Variants in LOC728743 observed in about 807,000 individuals in gnomAD.
At chr7:150,408,109 C>T in the LOC728743 span, 2 of 381,274 alleles carry the variant, frequency 5.2e-6, no homozygotes, top group Non-Finnish European at 9.3e-6. Context: ...GGCGGCCCTA[C>T]TTCTGCCCCC....
At chr7:150,408,404 C>T in the LOC728743 span, 1 of 358,800 alleles carries the variant, frequency 2.8e-6, no homozygotes, top group Non-Finnish European at 5.0e-6. Flanking sequence ...CGCGTTCCTC[C>T]CTCGGGACCC....
At chr7:150,408,584 T>A in the LOC728743 span, 3 of 185,416 alleles carry the variant, frequency 1.6e-5, no homozygotes, top group African/African-American at 7.0e-5. Flanking sequence ...TGGGGCGGTC[T>A]GGGTACCGGG....
At chr7:150,410,304 G>A in the LOC728743 span, 2 of 397,708 alleles carry the variant, frequency 5.0e-6, no homozygotes, top group Non-Finnish European at 8.9e-6. Flanking sequence ...CTCAAGAGGT[G>A]CACTGCGGTG....
chr7:150,409,708 A>G, the LOC728743 span, among the ~76,000 whole-genome samples: 1 of 151,978 alleles, frequency 6.6e-6, no homozygotes, highest in Non-Finnish European at 1.5e-5. Flanking sequence ...TGAAGGGGAC[A>G]TGGCATCCCT....
At chr7:150,405,386 A>AC in the LOC728743 span, 13 of 152,056 alleles carry the variant, frequency 8.5e-5, no homozygotes, top group African/African-American at 3.1e-4. Context: ...CCAGAGCCGG[A>AC]CCCTCGGGGG....
At chr7:150,408,061 C>G in the LOC728743 span, 2 of 385,010 alleles carry the variant, frequency 5.2e-6, no homozygotes, top group African/African-American at 4.2e-5. Context: ...CGCGCATGCC[C>G]GCGCCGCACC....
At chr7:150,406,300 T>G in the LOC728743 span, among the ~76,000 whole-genome samples, 1 of 151,734 alleles carries the variant, frequency 6.6e-6, no homozygotes, top group East Asian at 1.9e-4. Flanking sequence ...TTGGGGAGAA[T>G]GGATGAGGCA....
the LOC728743 span, chr7:150,410,236 T>G: frequency 7.5e-6 from 3 of 398,648 alleles, no homozygotes; most frequent in Middle Eastern, 6.3e-4. Flanking sequence ...TGGAGTTCCA[T>G]GGAGGCCTGG....
the LOC728743 span, among the ~76,000 whole-genome samples, chr7:150,401,729 G>A: frequency 1.3e-5 from 2 of 152,238 alleles, no homozygotes; most frequent in East Asian, 1.9e-4. Context: ...TGATGACAGC[G>A]CTCTATTTCT....
chr7:150,407,735 T>C, the LOC728743 span: 2 of 399,624 alleles, frequency 5.0e-6, no homozygotes, highest in African/African-American at 4.1e-5. Flanking sequence ...CTGCCCGCTG[T>C]GCGGCCAGAC....
At chr7:150,408,395 G>C in the LOC728743 span, 1 of 361,608 alleles carries the variant, frequency 2.8e-6, no homozygotes, top group African/African-American at 2.1e-5. Context: ...CCGCCCGCTC[G>C]CGTTCCTCCC....
the LOC728743 span, chr7:150,407,461 G>A: frequency 2.5e-6 from 1 of 397,402 alleles, no homozygotes; most frequent in East Asian, 3.6e-5. Flanking sequence ...TGAACAAAAC[G>A]GGGCGAAAGG....
chr7:150,405,773 C>G, the LOC728743 span: 2 of 151,946 alleles, frequency 1.3e-5, no homozygotes, highest in Non-Finnish European at 2.9e-5. Context: ...GGACGCTTGC[C>G]GTCTTTATGG....
the LOC728743 span, among the ~76,000 whole-genome samples, chr7:150,401,945 C>A: frequency 2.6e-5 from 4 of 152,220 alleles, no homozygotes; most frequent in South Asian, 8.3e-4. Context: ...TTCACCTTCT[C>A]CCCTCTGCTC....
chr7:150,405,329 C>CGGGGCCGCGCT, the LOC728743 span: 43 of 152,372 alleles, frequency 2.8e-4, no homozygotes, highest in Middle Eastern at 3.4e-3. Context: ...TGAGTGCGCG[C>CGGGGCCGCGCT]GGGGCCGCGC....
the LOC728743 span, chr7:150,404,976 C>T: frequency 6.6e-6 from 1 of 152,310 alleles, no homozygotes; most frequent in Non-Finnish European, 1.5e-5. Context: ...TCTTTCCTGT[C>T]GCTGGGGGCG....
chr7:150,410,193 G>C, the LOC728743 span: 1 of 398,672 alleles, frequency 2.5e-6, no homozygotes, highest in South Asian at 1.3e-4. Flanking sequence ...GACCCGATAG[G>C]TGCAGAACCC....
At chr7:150,403,048 T>C in the LOC728743 span, among the ~76,000 whole-genome samples, 2 of 152,162 alleles carry the variant, frequency 1.3e-5, no homozygotes, top group Admixed American at 1.3e-4. The surrounding 1 kb of genome is among the most constrained non-coding windows in gnomAD (Gnocchi z 5.1). Flanking sequence ...TCTGTCAGAA[T>C]AGTGGTGATC....
chr7:150,404,805 C>T, the LOC728743 span: 1 of 152,370 alleles, frequency 6.6e-6, no homozygotes, highest in Non-Finnish European at 1.5e-5. Flanking sequence ...GCCATATAGT[C>T]AGGCAGACTT....
Sources: gnomAD v4.1 joint callset for allele counts (sites outside exome capture counted in the v4.1 genomes callset) on GRCh38, gnomAD v4.1.1 for gene constraint, Gnocchi (gnomAD v3.1) non-coding constraint, MANE v1.5 for transcripts.